DAB1: variants seen among roughly 807,000 people sequenced by gnomAD.
DAB1 encodes the protein DAB adaptor protein 1.
A neutral mutation model predicts 64.6 loss-of-function variants in DAB1; 15 were observed. That is an observed-to-expected ratio of 0.23 (90% CI 0.16 to 0.36). The LOEUF (loss-of-function observed/expected upper bound fraction) is 0.36, where lower values mean the gene tolerates loss of function less well. Ranked by LOEUF, DAB1 falls within the 10% of genes least tolerant of loss-of-function variation. The pLI is 1.00. For synonymous variants in DAB1, 235 were observed against 251.9 expected, an observed-to-expected ratio of 0.93 and a Z score of 0.64; for missense variants, 596 against 706.7, an observed-to-expected ratio of 0.84 and a Z score of 1.78.
At chr1:58,334,526 TAAG>T (rs1663054288) in intron 4 of DAB1, among the ~76,000 whole-genome samples, 1 of 151,264 alleles carries the variant, frequency 6.6e-6, no homozygotes, top group Non-Finnish European at 1.5e-5. Flanking sequence ...CATCATGGGT[TAAG>T]GAGGTGATGA....
intron 6 of DAB1, among the ~76,000 whole-genome samples, chr1:57,670,904 A>C (rs79375886): frequency 0.01 from 1,564 of 152,262 alleles, 23 homozygotes; most frequent in African/African-American, 0.036. Flanking sequence ...CACAGTGTTC[A>C]TGTCCCTTAC....
chr1:57,488,426 T>C (rs907799677), intron 7 of DAB1, among the ~76,000 whole-genome samples: 1 of 143,826 alleles, frequency 7.0e-6, no homozygotes, highest in Non-Finnish European at 1.5e-5. Flanking sequence ...AAAAAAAGTT[T>C]GTATATTTGG....
At chr1:57,407,383 G>C (rs946785927) in intron 1 of DAB1, among the ~76,000 whole-genome samples, 1 of 152,190 alleles carries the variant, frequency 6.6e-6, no homozygotes, top group Non-Finnish European at 1.5e-5. Flanking sequence ...AGCAAAGAGA[G>C]AGTTCTGCCA....
intron 1 of DAB1, among the ~76,000 whole-genome samples, chr1:57,412,786 G>A (rs1684209517): frequency 6.6e-6 from 1 of 152,234 alleles, no homozygotes; most frequent in Non-Finnish European, 1.5e-5. Context: ...TCACATGAAA[G>A]TGCAAGGTGA....
At chr1:57,524,670 G>A (rs1644570239) in intron 7 of DAB1, among the ~76,000 whole-genome samples, 1 of 152,176 alleles carries the variant, frequency 6.6e-6, no homozygotes, top group African/African-American at 2.4e-5. Context: ...CTTCTTAAGG[G>A]TGGCGGAGAT....
chr1:57,545,024 C>T (rs1482197693), intron 7 of DAB1, among the ~76,000 whole-genome samples: 1 of 152,154 alleles, frequency 6.6e-6, no homozygotes, highest in East Asian at 1.9e-4. Context: ...AGAATGAAAC[C>T]CAAATCACCT....
At chr1:57,027,890 A>C (rs1014791930) in intron 9 of DAB1, among the ~76,000 whole-genome samples, 1 of 152,168 alleles carries the variant, frequency 6.6e-6, no homozygotes, top group African/African-American at 2.4e-5. Flanking sequence ...TAAATGTTCA[A>C]CAACTGCTAG....
At chr1:57,882,507 T>G (rs999323074) in intron 1 of DAB1, among the ~76,000 whole-genome samples, 2 of 152,202 alleles carry the variant, frequency 1.3e-5, no homozygotes, top group Admixed American at 6.5e-5. Flanking sequence ...GAAATATGTT[T>G]TGGCTAATTT....
intron 6 of DAB1, among the ~76,000 whole-genome samples, chr1:57,796,283 T>C (rs1298517810): frequency 6.6e-6 from 1 of 152,010 alleles, no homozygotes; most frequent in Middle Eastern, 3.2e-3. Context: ...ATACAAGCAC[T>C]TTGGGAGGCC....
chr1:57,545,925 A>G (rs1644851215), intron 7 of DAB1, among the ~76,000 whole-genome samples: 1 of 152,214 alleles, frequency 6.6e-6, no homozygotes, highest in South Asian at 2.1e-4. Context: ...TCCAGAATAA[A>G]GATTTCATAA....
intron 9 of DAB1, among the ~76,000 whole-genome samples, chr1:57,043,573 G>A (rs1490460455): frequency 3.9e-5 from 6 of 152,194 alleles, no homozygotes; most frequent in South Asian, 2.1e-4. Flanking sequence ...GAGGCCGGGC[G>A]CGGCGGCTCA....
chr1:58,183,726 A>C (rs1656918697), intron 4 of DAB1, among the ~76,000 whole-genome samples: 1 of 152,084 alleles, frequency 6.6e-6, no homozygotes, highest in Non-Finnish European at 1.5e-5. Flanking sequence ...TTCTTCCCAG[A>C]AGTTGTTATT....
chr1:57,480,353 T>C (rs1480869290), intron 7 of DAB1, among the ~76,000 whole-genome samples: 1 of 152,144 alleles, frequency 6.6e-6, no homozygotes, highest in Admixed American at 6.5e-5. Context: ...TGGGATGAGA[T>C]ATATTTTAGT....
At chr1:57,857,830 T>C (rs1396873203) in intron 1 of DAB1, among the ~76,000 whole-genome samples, 1 of 131,604 alleles carries the variant, frequency 7.6e-6, no homozygotes, top group Non-Finnish European at 1.5e-5. Flanking sequence ...GTTTTATCAG[T>C]ATGGAATCAT....
intron 2 of DAB1, among the ~76,000 whole-genome samples, chr1:57,255,532 T>C (rs1375144630): frequency 6.6e-6 from 1 of 152,018 alleles, no homozygotes; most frequent in African/African-American, 2.4e-5. Context: ...TGGTGATGCA[T>C]GGCTATAATT....
intron 6 of DAB1, among the ~76,000 whole-genome samples, chr1:57,799,521 T>C (rs1651024678): frequency 6.6e-6 from 1 of 151,350 alleles, no homozygotes; most frequent in Admixed American, 6.6e-5. Context: ...TGATTTGTTT[T>C]GATTTTAGGC....
At chr1:57,555,703 T>C (rs1348941681) in intron 7 of DAB1, among the ~76,000 whole-genome samples, 1 of 152,102 alleles carries the variant, frequency 6.6e-6, no homozygotes, top group Non-Finnish European at 1.5e-5. Context: ...TTGTCCAGGG[T>C]CACAGTGCTA....
At chr1:57,156,438 A>C (rs1227606816) in intron 2 of DAB1, among the ~76,000 whole-genome samples, 3 of 152,150 alleles carry the variant, frequency 2.0e-5, no homozygotes, top group Non-Finnish European at 4.4e-5. Context: ...AATTCATTTG[A>C]CTGTGTCCTC....
At chr1:58,323,300 A>G (rs1416652634) in intron 4 of DAB1, among the ~76,000 whole-genome samples, 2 of 151,964 alleles carry the variant, frequency 1.3e-5, no homozygotes, top group South Asian at 2.1e-4. Flanking sequence ...TCTTCTCACC[A>G]TTTGGTATCA....
Sources: allele counts gnomAD v4.1 joint callset (sites outside exome capture counted in the v4.1 genomes callset), GRCh38; gene constraint gnomAD v4.1.1; transcripts MANE v1.5; gene names NCBI Gene and HGNC (gene_info 2026-07-23, HGNC 2026-07-21).